PRICKLE2: variants seen among roughly 807,000 people sequenced by gnomAD.
PRICKLE2 encodes prickle planar cell polarity protein 2, also known as prickle-like protein 2.
A neutral mutation model predicts 81.4 loss-of-function variants in PRICKLE2; 21 were observed. That is an observed-to-expected ratio of 0.26 (90% CI 0.18 to 0.37). PRICKLE2 has a LOEUF of 0.37. Ranked by LOEUF, PRICKLE2 falls within the 10% of genes least tolerant of loss-of-function variation. The pLI is 1.00. For missense variants in PRICKLE2, 940 were observed against 1,109.0 expected (o/e 0.85, Z 2.16); for synonymous variants, 456 against 421.5 (o/e 1.08, Z -1.00).
Position 64,147,828 on chromosome 3 carries a change from C to T in PRICKLE2, c.788-126G>A. 1.0e-6 allele frequency: 1 copy of T among 971,948 alleles called. No individual in the cohort carries two copies. The highest frequency in any genetic ancestry group is 2.5e-5 in the East Asian group (1 of 39,808). The allele number at this position is 971,948 out of a possible 1,614,324, so 60.2% of individuals were successfully genotyped here. A position where few individuals can be genotyped will look rare whatever the true frequency, so the allele number is the denominator to read the frequency against. On this transcript the variant is annotated intron_variant, in intron 6 of 7. Coordinates refer to ENST00000638394, the MANE Select transcript of PRICKLE2 (RefSeq NM_198859.4). The surrounding 1 kb of genome is among the most constrained non-coding windows in gnomAD (Gnocchi z 5.0). ...GCGGCAGGATAAACTGTCAATAAATCAACAATCAGACCCTTATGTAAATGG... is the reference window on the plus strand; with the variant it reads ...GCGGCAGGATAAACTGTCAATAAATTAACAATCAGACCCTTATGTAAATGG...
At chr3:64,215,927 A>G (rs1251768090) in intron 1 of PRICKLE2, among the ~76,000 whole-genome samples, 2 of 152,256 alleles carry the variant, frequency 1.3e-5, no homozygotes, top group Admixed American at 1.3e-4. Flanking sequence ...AGGTTGTTAA[A>G]CTGTTGAGTG....
chr3:64,193,261 G>A (rs138526225), intron 2 of PRICKLE2, among the ~76,000 whole-genome samples: 30 of 152,252 alleles, frequency 2.0e-4, no homozygotes, highest in Non-Finnish European at 4.0e-4. Flanking sequence ...CTTGGCATTT[G>A]AGATGGGTCC....
At chr3:64,135,694 T>TCA (rs9311884) in intron 7 of PRICKLE2, among the ~76,000 whole-genome samples, 74 of 149,754 alleles carry the variant, frequency 4.9e-4, no homozygotes, top group African/African-American at 1.5e-3. Context: ...CGATCACAGA[T>TCA]CACACACACA....
At chr3:64,202,950 G>C (rs1298157490) in intron 1 of PRICKLE2, among the ~76,000 whole-genome samples, 1 of 152,148 alleles carries the variant, frequency 6.6e-6, no homozygotes, top group African/African-American at 2.4e-5. Context: ...TTCTATGCTA[G>C]TTTGTTGTTT....
intron 2 of PRICKLE2, among the ~76,000 whole-genome samples, chr3:64,232,654 G>A (rs555577408): frequency 1.3e-5 from 2 of 152,256 alleles, no homozygotes; most frequent in African/African-American, 4.8e-5. Context: ...TGCTTCTCTG[G>A]TCTAGGGTAG....
Position 64,198,735 on chromosome 3 carries a change from G to A in PRICKLE2, c.144+49C>T, listed in dbSNP as rs545512951. On this transcript the variant is annotated intron_variant, in intron 2 of 7. Transcript: ENST00000638394. ...ACTGGAATGAGGAAGGACCAGTAAG[G>A]CAAAGTGAAACACCCAAACCACCAG... The A allele has an allele frequency of 1.3e-5, 21 of 1,584,134 alleles. No individual in the cohort carries two copies. In the South Asian group the frequency reaches 2.3e-4, roughly 18 times the overall value.
upstream of PRICKLE2, among the ~76,000 whole-genome samples, chr3:64,226,644 G>C (rs1337509484): frequency 3.3e-5 from 5 of 152,196 alleles, no homozygotes; most frequent in African/African-American, 1.2e-4. Context: ...AGCTATTTCT[G>C]ATATTTTGAA....
In PRICKLE2 at chr3:64,245,254, A is replaced by C. The variant is rs79091550; in HGVS notation, c.129-46287T>G. 1.7e-3 allele frequency among the ~76,000 whole-genome samples: 251 copies of C among 149,414 alleles called. 2 individuals carry two copies. Among genetic ancestry groups the C allele is most frequent in the East Asian group, 0.014 (74 of 5,104 alleles). ...CTAGTGTTTGAAAGTGTTCTACAAC[A>C]AAAAAGTTTAGATGGGTCAGATAAG... is the stretch of plus-strand genomic sequence containing the variant. On this transcript the variant is annotated intron_variant, in intron 2 of 8. Coordinates refer to the PRICKLE2 transcript ENST00000295902.
chr3:64,112,257 G>A (rs1192287686), intron 7 of PRICKLE2, among the ~76,000 whole-genome samples: 1 of 152,126 alleles, frequency 6.6e-6, no homozygotes, highest in Non-Finnish European at 1.5e-5. Flanking sequence ...ATTTCCCACT[G>A]GTCTCAGCCA....
At chr3:64,210,823 C>T (rs2078773968) in intron 1 of PRICKLE2, among the ~76,000 whole-genome samples, 1 of 152,108 alleles carries the variant, frequency 6.6e-6, no homozygotes, top group African/African-American at 2.4e-5. Flanking sequence ...AATGATGCCT[C>T]AGTCATTGAG....
intron 7 of PRICKLE2, among the ~76,000 whole-genome samples, chr3:64,107,348 C>A (rs149786718): frequency 6.6e-6 from 1 of 152,272 alleles, no homozygotes; most frequent in African/African-American, 2.4e-5. Flanking sequence ...TGCTCAAGGT[C>A]TGATGGAACG....
chr3:64,210,747 C>T (rs187672250), intron 1 of PRICKLE2, among the ~76,000 whole-genome samples: 1 of 152,290 alleles, frequency 6.6e-6, no homozygotes, highest in African/African-American at 2.4e-5. Context: ...TAAAAATAAG[C>T]CTCCTGGGTG....
At chr3:64,135,407 G>C (rs1364450074) in intron 7 of PRICKLE2, among the ~76,000 whole-genome samples, 1 of 152,154 alleles carries the variant, frequency 6.6e-6, no homozygotes, top group Non-Finnish European at 1.5e-5. Flanking sequence ...AATTTTCTAG[G>C]AGAGAAAGAA....
At chr3:64,100,049 G>C in intron 7 of PRICKLE2, 124 bp from the exon 8 acceptor site, 3 of 1,070,770 alleles carry the variant, frequency 2.8e-6, no homozygotes, top group Non-Finnish European at 2.8e-6. Context: ...CTGCACAAAG[G>C]CCCTCTCAGG....
chr3:64,148,744 CTA>C (rs758166103), intron 6 of PRICKLE2, among the ~76,000 whole-genome samples: 3 of 152,144 alleles, frequency 2.0e-5, no homozygotes, highest in South Asian at 2.1e-4. Flanking sequence ...GCTCCTTCCA[CTA>C]TATGATGACT....
chr3:64,231,880 G>C (rs923407184), intron 2 of PRICKLE2, among the ~76,000 whole-genome samples: 1 of 152,144 alleles, frequency 6.6e-6, no homozygotes, highest in Non-Finnish European at 1.5e-5. Flanking sequence ...GTTTGGTCTT[G>C]GGTCTGACGA....
chr3:64,264,046 G>A (rs1434352987), intron 2 of PRICKLE2, among the ~76,000 whole-genome samples: 3 of 151,756 alleles, frequency 2.0e-5, no homozygotes, highest in Non-Finnish European at 2.9e-5. Context: ...AGAGAAGACC[G>A]CCCACCCCAC....
At chr3:64,100,030 A>C (rs565413382) in intron 7 of PRICKLE2, 105 bp from the exon 8 acceptor site, 1 of 1,307,802 alleles carries the variant, frequency 7.6e-7, no homozygotes, top group Non-Finnish European at 1.1e-6. Flanking sequence ...ACCGTTGTGA[A>C]GTTGTGTACT....
chr3:64,138,553 C>T (rs895894087), intron 7 of PRICKLE2, among the ~76,000 whole-genome samples: 5 of 152,180 alleles, frequency 3.3e-5, no homozygotes, highest in African/African-American at 4.8e-5. Flanking sequence ...CAGAAAGAAA[C>T]CGAGTCCTGA....
Sources: allele counts gnomAD v4.1 joint callset (sites outside exome capture counted in the v4.1 genomes callset), GRCh38; gene constraint gnomAD v4.1.1; non-coding constraint Gnocchi (gnomAD v3.1); transcripts MANE v1.5; gene names NCBI Gene and HGNC (gene_info 2026-07-23, HGNC 2026-07-21).